The following CEMIP variants were observed in gnomAD, a reference collection of about 807,000 sequenced individuals.
CEMIP encodes cell migration inducing hyaluronidase 1.
In CEMIP, 105 loss-of-function variants were observed where a neutral mutation model predicts 156.9. The observed-to-expected ratio is 0.67, with a 90% confidence interval of 0.57 to 0.79. The LOEUF (loss-of-function observed/expected upper bound fraction) is 0.79. Ranked by LOEUF, CEMIP falls within the 30% of genes least tolerant of loss-of-function variation. CEMIP has a pLI of 0.00. For synonymous variants in CEMIP, 676 were observed against 668.4 expected, an observed-to-expected ratio of 1.01 and a Z score of -0.17; for missense variants, 1,457 against 1,769.4, an observed-to-expected ratio of 0.82 and a Z score of 3.17.
intron 12 of CEMIP, among the ~76,000 whole-genome samples, chr15:80,900,467 C>A (rs1014058757): frequency 6.6e-6 from 1 of 152,068 alleles, no homozygotes; most frequent in Non-Finnish European, 1.5e-5. Context: ...CAGCCTACCT[C>A]CCTCCCTGAA....
intron 1 of CEMIP, among the ~76,000 whole-genome samples, chr15:80,866,994 C>T (rs553054118): frequency 7.8e-4 from 119 of 152,142 alleles, no homozygotes; most frequent in African/African-American, 2.8e-3. Context: ...ACAGCAATTC[C>T]CCTATCAGAT....
intron 1 of CEMIP, among the ~76,000 whole-genome samples, chr15:80,823,461 A>G (rs966098454): frequency 6.6e-6 from 1 of 152,216 alleles, no homozygotes; most frequent in African/African-American, 2.4e-5. Flanking sequence ...TGTCAACCAC[A>G]GAGGTCTCCT....
At chr15:80,782,031 A>G (rs957440306) in intron 1 of CEMIP, among the ~76,000 whole-genome samples, 3 of 152,232 alleles carry the variant, frequency 2.0e-5, no homozygotes, top group Admixed American at 1.3e-4. Flanking sequence ...AATGAAAAAA[A>G]AATTCTTATT....
Position 80,861,165 on chromosome 15 carries a change from C to T in CEMIP, c.-175-12373C>T, listed in dbSNP as rs773754478. 6.6e-5 allele frequency among the ~76,000 whole-genome samples: 10 copies of T among 152,102 alleles called. 1 individual carries two copies. The highest frequency in any genetic ancestry group is 1.3e-4 in the Non-Finnish European group (9 of 68,016). On this transcript the variant is annotated intron_variant, in intron 1 of 29. Transcript: ENST00000394685. ...GCCGTGTCTCAATGCCTAGAACCAT[C>T]GTGCAGTAGGCACTAATAATAAACA...
chr15:80,920,479 G>A (rs541416258), intron 15 of CEMIP, among the ~76,000 whole-genome samples, 180 bp downstream of exon 15: 135 of 152,362 alleles, frequency 8.9e-4, no homozygotes, highest in South Asian at 4.1e-3. Context: ...GAGGGAGGGT[G>A]TCTTCTCCCT....
At chr15:80,828,940 C>T (rs1385157412) in intron 1 of CEMIP, among the ~76,000 whole-genome samples, 1 of 152,212 alleles carries the variant, frequency 6.6e-6, no homozygotes, top group East Asian at 1.9e-4. Context: ...CAGGATTGCT[C>T]ATCTGCAACT....
intron 8 of CEMIP, among the ~76,000 whole-genome samples, chr15:80,888,123 G>A (rs1898910684): frequency 6.6e-6 from 1 of 152,140 alleles, no homozygotes; most frequent in Non-Finnish European, 1.5e-5. Flanking sequence ...AGCATTTTGG[G>A]AGGCCGAGGC....
intron 1 of CEMIP, among the ~76,000 whole-genome samples, chr15:80,803,752 C>T (rs764906773): frequency 6.6e-6 from 1 of 152,216 alleles, no homozygotes; most frequent in African/African-American, 2.4e-5. Context: ...TGTCTGAGCT[C>T]AAGTCTGTCT....
intron 3 of CEMIP, among the ~76,000 whole-genome samples, chr15:80,875,446 G>T (rs373035521): frequency 2.6e-5 from 4 of 152,278 alleles, no homozygotes; most frequent in African/African-American, 9.6e-5. Flanking sequence ...CATTGACTCT[G>T]CCAGGAACTG....
chr15:80,912,362 T>G (rs1276272606), intron 14 of CEMIP, among the ~76,000 whole-genome samples: 2 of 152,034 alleles, frequency 1.3e-5, no homozygotes, highest in African/African-American at 4.8e-5. Context: ...TATGCCAAGG[T>G]CTCCCTCCGG....
intron 1 of CEMIP, among the ~76,000 whole-genome samples, chr15:80,871,583 G>T (rs10775221): frequency 0.13 from 20,200 of 151,974 alleles, 1,702 homozygotes; most frequent in East Asian, 0.47. Flanking sequence ...GGATGCCCCC[G>T]CCCAGCCTGC....
chr15:80,843,325 T>C (rs1295132252), intron 1 of CEMIP, among the ~76,000 whole-genome samples: 1 of 152,220 alleles, frequency 6.6e-6, no homozygotes, highest in African/African-American at 2.4e-5. Context: ...TTTATTCAAT[T>C]AACATTTATT....
intron 1 of CEMIP, among the ~76,000 whole-genome samples, chr15:80,780,546 G>T (rs528102271): frequency 3.9e-5 from 6 of 152,318 alleles, no homozygotes; most frequent in South Asian, 4.1e-4. Context: ...CAGGAGTTCC[G>T]CCAGCTGCCG....
In CEMIP at chr15:80,906,596, C is replaced by T. The variant is rs1899814248; in HGVS notation, c.1412-67C>T. The T allele has an allele frequency of 2.0e-6, 3 of 1,510,216 alleles. No individual in the cohort carries two copies. Among genetic ancestry groups the T allele is most frequent in the Non-Finnish European group, 2.7e-6 (3 of 1,104,752 alleles). The allele number at this position is 1,510,216 out of a possible 1,614,324, so 93.6% of individuals were successfully genotyped here. On this transcript the variant is annotated intron_variant, in intron 12 of 29. Transcript: ENST00000394685. The surrounding 1 kb of genome is among the most constrained non-coding windows in gnomAD (Gnocchi z 4.3). ...AAGCAGCAGCCATGGAGGCACCTGG[C>T]AGGGGCCCAGAACTCAGTGGGCATG...
chr15:80,922,996 A>G (rs1260016340), intron 17 of CEMIP, among the ~76,000 whole-genome samples: 1 of 152,234 alleles, frequency 6.6e-6, no homozygotes, highest in Non-Finnish European at 1.5e-5. Context: ...ACGTTCCTCA[A>G]AGGGAACAAT....
intron 1 of CEMIP, among the ~76,000 whole-genome samples, chr15:80,807,554 G>A (rs546666774): frequency 3.3e-5 from 5 of 152,280 alleles, no homozygotes; most frequent in Admixed American, 3.3e-4. Flanking sequence ...AGAATTAGAG[G>A]GAGGATAAGT....
rs757017776 is a variant in CEMIP at position 80,878,717 on chromosome 15, G to A, written c.95-4G>A. ...GAGCAGTGACATCTCTCTGTCCTTG[G>A]CAGTGGCTGCTGGGTGCCCTGACCA... On this transcript the variant is annotated splice_region_variant and splice_polypyrimidine_tract_variant and intron_variant, in intron 3 of 29. Coordinates refer to ENST00000394685, the MANE Select transcript of CEMIP (RefSeq NM_001293298.2). 1.9e-6 allele frequency: 3 copies of A among 1,614,086 alleles called. No individual in the cohort carries two copies. Among genetic ancestry groups the A allele is most frequent in the East Asian group, 2.2e-5 (1 of 44,864 alleles).
chr15:80,795,272 G>C (rs575365406), intron 1 of CEMIP, among the ~76,000 whole-genome samples: 4 of 152,042 alleles, frequency 2.6e-5, no homozygotes, highest in Non-Finnish European at 5.9e-5. Context: ...GATCCCTCTG[G>C]CTGCTCTCTG....
At position 80,883,797 on chromosome 15, in the gene CEMIP, A is replaced by G. The variant is rs184282430; in HGVS notation, c.618-378A>G. On this transcript the variant is annotated intron_variant, in intron 6 of 29. Coordinates refer to ENST00000394685, the MANE Select transcript of CEMIP (RefSeq NM_001293298.2). ...GCCCTAGCTATCTGAACTATCTCCT[A>G]AAGTCAGGCTCTTCCAAGAGGCATG... is the stretch of plus-strand genomic sequence containing the variant. 1.5e-3 allele frequency among the ~76,000 whole-genome samples: 224 copies of G among 152,276 alleles called. No homozygotes were observed. The Middle Eastern group carries it at 0.027, about 18-fold the overall frequency.
Sources: gnomAD v4.1 joint callset for allele counts (sites outside exome capture counted in the v4.1 genomes callset) on GRCh38, gnomAD v4.1.1 for gene constraint, Gnocchi (gnomAD v3.1) non-coding constraint, MANE v1.5 for transcripts, NCBI Gene and HGNC (gene_info 2026-07-23, HGNC 2026-07-21) for gene names.